The following CLXN variants were observed in gnomAD, a reference collection of about 807,000 sequenced individuals.
CLXN encodes EF-hand calcium binding domain 1.
chr8:48,730,594 A>G, the CLXN span: 2 of 1,611,666 alleles, frequency 1.2e-6, no homozygotes, highest in African/African-American at 2.7e-5. Context: ...CCATGAATCC[A>G]CTCCAATACA....
At chr8:48,732,277 C>T in the CLXN span, among the ~76,000 whole-genome samples, 6 of 152,140 alleles carry the variant, frequency 3.9e-5, no homozygotes, top group Non-Finnish European at 7.4e-5. Flanking sequence ...CAAGTATGGG[C>T]GGAAGTTGGG....
the CLXN span, among the ~76,000 whole-genome samples, chr8:48,727,682 C>A: frequency 1.3e-5 from 2 of 152,080 alleles, no homozygotes; most frequent in African/African-American, 4.8e-5. Context: ...ACTTCAGAAC[C>A]CTCTGGGGGG....
chr8:48,711,574 G>A, the CLXN span: 1 of 152,266 alleles, frequency 6.6e-6, no homozygotes, highest in Admixed American at 6.5e-5. Context: ...AAATCCCAAG[G>A]TATGTTCAGA....
chr8:48,729,338 A>G, the CLXN span, among the ~76,000 whole-genome samples: 1 of 152,208 alleles, frequency 6.6e-6, no homozygotes, highest in East Asian at 1.9e-4. Flanking sequence ...CATACTGGGC[A>G]ACATAGTGAG....
At chr8:48,730,920 ATGTTGG>A in the CLXN span, among the ~76,000 whole-genome samples, 10 of 152,132 alleles carry the variant, frequency 6.6e-5, no homozygotes, top group Non-Finnish European at 1.3e-4. Flanking sequence ...GCTATAAAAT[ATGTTGG>A]TCATATTAGA....
the CLXN span, among the ~76,000 whole-genome samples, chr8:48,722,777 C>CAA: frequency 1.3e-5 from 2 of 151,724 alleles, no homozygotes; most frequent in African/African-American, 4.8e-5. Context: ...CACACACACA[C>CAA]ACACAGACAC....
At chr8:48,732,839 A>G in the CLXN span, among the ~76,000 whole-genome samples, 3 of 152,236 alleles carry the variant, frequency 2.0e-5, no homozygotes, top group Non-Finnish European at 2.9e-5. Flanking sequence ...ACTTAGTCAA[A>G]TAAGCCAGAC....
chr8:48,723,835 G>A, the CLXN span: 1 of 152,776 alleles, frequency 6.5e-6, no homozygotes, highest in Non-Finnish European at 1.5e-5. Flanking sequence ...AGTGGCAAGG[G>A]GGCAATACGT....
the CLXN span, among the ~76,000 whole-genome samples, chr8:48,714,216 T>C: frequency 6.6e-6 from 1 of 152,308 alleles, no homozygotes; most frequent in Admixed American, 6.5e-5. Flanking sequence ...AGCTCTTCCT[T>C]TAAGCTACCC....
At chr8:48,726,802 T>A in the CLXN span, among the ~76,000 whole-genome samples, 1 of 126,716 alleles carries the variant, frequency 7.9e-6, no homozygotes, top group East Asian at 2.9e-4. Context: ...ACCCAGTTCA[T>A]CATCCATCCA....
chr8:48,726,929 C>T, the CLXN span, among the ~76,000 whole-genome samples: 1 of 149,498 alleles, frequency 6.7e-6, no homozygotes, highest in Non-Finnish European at 1.5e-5. Context: ...ATTCACCCAC[C>T]CACGCATCCA....
chr8:48,716,620 T>TA, the CLXN span: 2 of 151,988 alleles, frequency 1.3e-5, no homozygotes, highest in Admixed American at 1.3e-4. Flanking sequence ...TAAAAGTCAT[T>TA]AAAAAACCCA....
At chr8:48,725,343 T>C in the CLXN span, among the ~76,000 whole-genome samples, 1 of 152,188 alleles carries the variant, frequency 6.6e-6, no homozygotes, top group African/African-American at 2.4e-5. Context: ...TAGTTAGATA[T>C]TAAATCTGGA....
chr8:48,712,772 G>A, the CLXN span, among the ~76,000 whole-genome samples: 1 of 152,220 alleles, frequency 6.6e-6, no homozygotes, highest in Admixed American at 6.5e-5. Context: ...AGGCTGAGGA[G>A]GGCAGATCAC....
At chr8:48,728,406 C>T in the CLXN span, among the ~76,000 whole-genome samples, 2 of 152,146 alleles carry the variant, frequency 1.3e-5, no homozygotes, top group African/African-American at 2.4e-5. Flanking sequence ...GCTTCCTGCC[C>T]TACCAGTCAT....
At chr8:48,712,773 G>A in the CLXN span, among the ~76,000 whole-genome samples, 1 of 152,052 alleles carries the variant, frequency 6.6e-6, no homozygotes, top group Non-Finnish European at 1.5e-5. Flanking sequence ...GGCTGAGGAG[G>A]GCAGATCACA....
chr8:48,729,413 C>T, the CLXN span, among the ~76,000 whole-genome samples: 135 of 151,688 alleles, frequency 8.9e-4, no homozygotes, highest in African/African-American at 3.2e-3. Flanking sequence ...GTCCCAGATA[C>T]TTGGGAGGCT....
At chr8:48,720,315 G>A in the CLXN span, among the ~76,000 whole-genome samples, 58 of 152,290 alleles carry the variant, frequency 3.8e-4, no homozygotes, top group African/African-American at 1.3e-3. Flanking sequence ...CTTGCAGACA[G>A]CCTATAAATG....
the CLXN span, chr8:48,729,853 T>C: frequency 6.2e-7 from 1 of 1,611,896 alleles, no homozygotes; most frequent in South Asian, 1.1e-5. Flanking sequence ...ACCATTCAAA[T>C]CAAACACTTC....
Sources: gnomAD v4.1 joint callset for allele counts (sites outside exome capture counted in the v4.1 genomes callset) on GRCh38, gnomAD v4.1.1 for gene constraint, MANE v1.5 for transcripts, NCBI Gene and HGNC (gene_info 2026-07-23, HGNC 2026-07-21) for gene names.